Variants in DAB1 observed in about 807,000 individuals in gnomAD.
DAB1 encodes the protein DAB adaptor protein 1, also known as disabled homolog 1.
A neutral mutation model predicts 64.6 loss-of-function variants in DAB1; 15 were observed. The ratio of observed to expected loss-of-function variants is 0.23; its 90% CI spans 0.16 to 0.36. The LOEUF (loss-of-function observed/expected upper bound fraction) is 0.36. Ranked by LOEUF, DAB1 falls within the 10% of genes least tolerant of loss-of-function variation. DAB1 has a pLI of 1.00. For synonymous variants in DAB1, 235 were observed against 251.9 expected (o/e 0.93, Z 0.64); for missense variants, 596 against 706.7 (o/e 0.84, Z 1.78).
intron 1 of DAB1, among the ~76,000 whole-genome samples, chr1:57,835,071 C>T (rs901494957): frequency 6.6e-6 from 1 of 152,116 alleles, no homozygotes; most frequent in Non-Finnish European, 1.5e-5. Flanking sequence ...TTGGCATGTG[C>T]AAAAAGCACC....
chr1:57,551,726 C>T (rs1179944654), intron 7 of DAB1, among the ~76,000 whole-genome samples: 2 of 152,124 alleles, frequency 1.3e-5, no homozygotes, highest in Non-Finnish European at 2.9e-5. Context: ...AGACTGGAGC[C>T]TCCGGGAGTT....
chr1:57,067,866 A>G (rs1236590101), intron 8 of DAB1, among the ~76,000 whole-genome samples: 1 of 152,184 alleles, frequency 6.6e-6, no homozygotes, highest in Admixed American at 6.5e-5. Context: ...TCCATTCTAC[A>G]CATGAGCTTG....
At chr1:57,395,639 A>C (rs763831122) in intron 1 of DAB1, among the ~76,000 whole-genome samples, 5 of 152,202 alleles carry the variant, frequency 3.3e-5, no homozygotes, top group Non-Finnish European at 7.3e-5. Context: ...GCTCCTAGTC[A>C]CGTGAAGCTA....
chr1:57,705,773 T>A (rs1297498922), intron 6 of DAB1, among the ~76,000 whole-genome samples: 1 of 152,074 alleles, frequency 6.6e-6, no homozygotes, highest in Non-Finnish European at 1.5e-5. Context: ...TACGTCTCTC[T>A]CCTATCAGAA....
chr1:57,625,766 G>C (rs929403279), intron 7 of DAB1, among the ~76,000 whole-genome samples: 1 of 152,120 alleles, frequency 6.6e-6, no homozygotes, highest in Non-Finnish European at 1.5e-5. Flanking sequence ...GACAGAAGGA[G>C]AGAGTGAAGA....
chr1:57,317,121 G>A (rs1675279557), intron 1 of DAB1, among the ~76,000 whole-genome samples: 1 of 152,122 alleles, frequency 6.6e-6, no homozygotes, highest in Admixed American at 6.5e-5. Context: ...CTATCAGGAG[G>A]CCACATGACA....
chr1:58,498,410 C>T (rs936809061), intron 3 of DAB1, among the ~76,000 whole-genome samples: 3 of 152,014 alleles, frequency 2.0e-5, no homozygotes, highest in African/African-American at 7.2e-5. Context: ...TTACTACCAC[C>T]TCTATTTCCA....
At chr1:58,129,804 G>A (rs1353789591) in intron 5 of DAB1, among the ~76,000 whole-genome samples, 17 of 152,064 alleles carry the variant, frequency 1.1e-4, no homozygotes, top group African/African-American at 3.1e-4. Context: ...CTGTTTGATC[G>A]CACTGTGGTC....
At chr1:57,687,599 C>CAAAAAAAAAAAAAAAAAAAAAAAAAAA (rs57316234) in intron 6 of DAB1, among the ~76,000 whole-genome samples, 65 of 82,398 alleles carry the variant, frequency 7.9e-4, no homozygotes, top group Non-Finnish European at 1.0e-3. Context: ...TCTTAAGAAA[C>CAAAAAAAAAAAAAAAAAAAAAAAAAAA]AAAAAAAAAA....
intron 7 of DAB1, among the ~76,000 whole-genome samples, chr1:57,482,861 G>A (rs762253266): frequency 1.3e-5 from 2 of 152,126 alleles, no homozygotes; most frequent in African/African-American, 2.4e-5. Flanking sequence ...ACTTGCTCAC[G>A]TTTACAGTCT....
chr1:58,480,347 G>A (rs915387293), intron 3 of DAB1, among the ~76,000 whole-genome samples: 2 of 152,050 alleles, frequency 1.3e-5, no homozygotes, highest in South Asian at 2.1e-4. Context: ...CCAGGAACAC[G>A]CTGTATCTCT....
chr1:57,040,980 G>A (rs938817180), intron 9 of DAB1, among the ~76,000 whole-genome samples: 2 of 152,096 alleles, frequency 1.3e-5, no homozygotes, highest in East Asian at 1.9e-4. Flanking sequence ...TTACCACTGC[G>A]GTCCAGATGG....
chr1:57,557,410 A>C (rs1459964501), intron 7 of DAB1, among the ~76,000 whole-genome samples: 1 of 151,780 alleles, frequency 6.6e-6, no homozygotes, highest in Non-Finnish European at 1.5e-5. Context: ...TAAATGGCTT[A>C]TATATATATA....
At chr1:58,172,901 T>C (rs905771706) in intron 4 of DAB1, among the ~76,000 whole-genome samples, 1 of 152,350 alleles carries the variant, frequency 6.6e-6, no homozygotes, top group Non-Finnish European at 1.5e-5. Context: ...TGCTGCAATA[T>C]GGAAAGAAAG....
chr1:58,446,676 T>C (rs966570487), intron 3 of DAB1, among the ~76,000 whole-genome samples: 3 of 152,192 alleles, frequency 2.0e-5, no homozygotes, highest in Non-Finnish European at 2.9e-5. Context: ...TAACTAACCA[T>C]GTGTACTCTC....
intron 1 of DAB1, among the ~76,000 whole-genome samples, chr1:57,340,239 G>C (rs1302561368): frequency 6.6e-6 from 1 of 152,156 alleles, no homozygotes; most frequent in Non-Finnish European, 1.5e-5. Flanking sequence ...CAAAAATGCA[G>C]ATCACTGAAC....
intron 1 of DAB1, among the ~76,000 whole-genome samples, chr1:57,861,893 A>C (rs1300918156): frequency 1.3e-5 from 2 of 151,922 alleles, no homozygotes; most frequent in East Asian, 3.8e-4. Flanking sequence ...GAGAGACATG[A>C]GAAGTCCAGT....
intron 2 of DAB1, among the ~76,000 whole-genome samples, chr1:57,257,786 G>A (rs567751754): frequency 1.2e-4 from 19 of 152,290 alleles, no homozygotes; most frequent in African/African-American, 4.6e-4. Flanking sequence ...CAAGGCTTTG[G>A]TGGCTGCAGG....
chr1:57,690,689 G>T (rs1024747107), intron 6 of DAB1, among the ~76,000 whole-genome samples: 5 of 152,134 alleles, frequency 3.3e-5, no homozygotes, highest in African/African-American at 1.2e-4. Flanking sequence ...TCATATGGTA[G>T]CCCGATTTTT....
Sources: allele counts gnomAD v4.1 joint callset (sites outside exome capture counted in the v4.1 genomes callset), GRCh38; gene constraint gnomAD v4.1.1; transcripts MANE v1.5; gene names NCBI Gene and HGNC (gene_info 2026-07-23, HGNC 2026-07-21).